DCAF6: variants seen among roughly 807,000 people sequenced by gnomAD.
The protein encoded by DCAF6 is DDB1 and CUL4 associated factor 6.
A neutral mutation model predicts 125.1 loss-of-function variants in DCAF6; 54 were observed. The ratio of observed to expected loss-of-function variants is 0.43; its 90% confidence interval spans 0.35 to 0.54. The LOEUF (loss-of-function observed/expected upper bound fraction) is 0.54. Among genes scored for constraint, DCAF6 ranks in the 20% least tolerant of loss-of-function variants. The probability of loss-of-function intolerance (pLI) is 0.01; values close to 1 mark genes in which losing one functional copy is unlikely to be tolerated. For missense variants in DCAF6, 934 were observed against 1,161.7 expected, an observed-to-expected ratio of 0.80 and a Z score of 2.85; for synonymous variants, 371 against 390.4, an observed-to-expected ratio of 0.95 and a Z score of 0.58.
chr1:167,992,425 C>G (rs751998241), intron 6 of DCAF6, among the ~76,000 whole-genome samples: 1 of 152,106 alleles, frequency 6.6e-6, no homozygotes, highest in Non-Finnish European at 1.5e-5. Flanking sequence ...CTTTTCGGAA[C>G]TGTGATAGCT....
the DCAF6 span, chr1:167,917,440 A>G: frequency 6.6e-6 from 1 of 152,254 alleles, no homozygotes; most frequent in Admixed American, 6.5e-5. Context: ...CTCTACAAAA[A>G]TACAAAAATT....
rs961535016 is a variant in DCAF6 at position 168,047,692 on chromosome 1, TTA to T, written c.2258+2475_2258+2476del. On this transcript the variant is annotated intron_variant, in intron 16 of 21. Coordinates refer to ENST00000367840, the MANE Select transcript of DCAF6 (RefSeq NM_001198956.2). ...ATTTAATATATGAAAGTAAATACAA[TTA>T]TATATATATGTGTGTGTGTGTATAT... is the stretch of plus-strand genomic sequence containing the variant. 1.3e-3 allele frequency among the ~76,000 whole-genome samples: 200 copies of T among 151,870 alleles called. 1 individual carries two copies. Among genetic ancestry groups the T allele is most frequent in the African/African-American group, 4.5e-3 (185 of 41,460 alleles).
At chr1:167,990,557 C>A (rs1258696397) in intron 5 of DCAF6, among the ~76,000 whole-genome samples, 1 of 151,932 alleles carries the variant, frequency 6.6e-6, no homozygotes, top group African/African-American at 2.4e-5. Flanking sequence ...TAAAGATGTT[C>A]ATTATTCATG....
the DCAF6 span, among the ~76,000 whole-genome samples, chr1:167,916,379 GTAT>G: frequency 0.012 from 1,776 of 152,192 alleles, 30 homozygotes; most frequent in African/African-American, 0.041. Context: ...GCTAATTTTT[GTAT>G]TATTAGTAGA....
intron 4 of DCAF6, among the ~76,000 whole-genome samples, chr1:167,984,545 A>G (rs1679665778): frequency 1.4e-5 from 2 of 146,604 alleles, no homozygotes; most frequent in African/African-American, 4.9e-5. Context: ...TGATCATTTT[A>G]CTTAATAAAG....
chr1:168,031,566 A>G (rs926851938), intron 12 of DCAF6, among the ~76,000 whole-genome samples: 1 of 152,238 alleles, frequency 6.6e-6, no homozygotes, highest in African/African-American at 2.4e-5. Flanking sequence ...GGAGGACAGT[A>G]ACTGGAAGGA....
the DCAF6 span, among the ~76,000 whole-genome samples, chr1:167,907,661 A>G: frequency 2.0e-4 from 30 of 152,362 alleles, no homozygotes; most frequent in African/African-American, 7.2e-4. Context: ...ATGGTTATTT[A>G]GATTAGCAAG....
chr1:167,954,909 CCT>C (rs1674538037), intron 2 of DCAF6, among the ~76,000 whole-genome samples: 2 of 152,036 alleles, frequency 1.3e-5, no homozygotes, highest in East Asian at 3.9e-4. Flanking sequence ...GCCCATGTGC[CCT>C]CTCATTCCTT....
intron 1 of DCAF6, among the ~76,000 whole-genome samples, chr1:167,947,334 C>T (rs1485537698): frequency 1.3e-5 from 2 of 150,496 alleles, no homozygotes; most frequent in Non-Finnish European, 3.0e-5. Context: ...ATTTCATTGA[C>T]CTTTTGTGGG....
intron 6 of DCAF6, 133 bp downstream of exon 6, chr1:167,991,472 T>C: frequency 2.3e-6 from 2 of 882,304 alleles, no homozygotes; most frequent in Non-Finnish European, 3.2e-6. Context: ...TGGATTATTA[T>C]AAAAAATAAC....
At chr1:167,990,222 G>A (rs1680640371) in intron 5 of DCAF6, among the ~76,000 whole-genome samples, 2 of 151,958 alleles carry the variant, frequency 1.3e-5, no homozygotes, top group African/African-American at 4.8e-5. Flanking sequence ...TAAAAAATTA[G>A]CCTGGTATGG....
At chr1:167,960,447 C>T (rs879885324) in intron 2 of DCAF6, among the ~76,000 whole-genome samples, 10 of 151,950 alleles carry the variant, frequency 6.6e-5, no homozygotes, top group Non-Finnish European at 2.9e-5. Context: ...TACAGGCACG[C>T]GCCACCATTC....
At chr1:167,978,214 A>G (rs1016803930) in intron 4 of DCAF6, among the ~76,000 whole-genome samples, 1 of 152,240 alleles carries the variant, frequency 6.6e-6, no homozygotes, top group Non-Finnish European at 1.5e-5. Flanking sequence ...ACAAATGCAC[A>G]CATTTGTTAG....
At chr1:168,010,904 C>T (rs1335993213) in intron 10 of DCAF6, among the ~76,000 whole-genome samples, 1 of 151,942 alleles carries the variant, frequency 6.6e-6, no homozygotes, top group East Asian at 1.9e-4. Context: ...TTAAATGAGG[C>T]ATTTTTCCAA....
the DCAF6 span, chr1:167,904,559 A>G: frequency 2.6e-6 from 1 of 379,808 alleles, no homozygotes; most frequent in Non-Finnish European, 4.7e-6. Context: ...TTTAACTGGG[A>G]ATAAAATTTT....
intron 17 of DCAF6, among the ~76,000 whole-genome samples, chr1:168,052,736 G>A (rs928043164): frequency 2.0e-5 from 3 of 152,142 alleles, no homozygotes; most frequent in Non-Finnish European, 4.4e-5. Flanking sequence ...TGAATGATAG[G>A]TACCATATTT....
intron 17 of DCAF6, among the ~76,000 whole-genome samples, chr1:168,053,548 A>T (rs1441055016): frequency 6.6e-6 from 1 of 152,212 alleles, no homozygotes; most frequent in Non-Finnish European, 1.5e-5. Context: ...CAAGGAAAAA[A>T]GATCAGACAC....
the DCAF6 span, chr1:167,880,663 G>T: frequency 2.2e-6 from 3 of 1,368,960 alleles, no homozygotes; most frequent in African/African-American, 2.9e-5. Flanking sequence ...CTTTAAACTG[G>T]ACTGGCCAGA....
chr1:167,878,908 G>A, the DCAF6 span, among the ~76,000 whole-genome samples: 10 of 152,322 alleles, frequency 6.6e-5, no homozygotes, highest in South Asian at 2.1e-4. Flanking sequence ...TATGGAGCAG[G>A]CTCTGTAAGT....
Sources: gnomAD v4.1 joint callset for allele counts (sites outside exome capture counted in the v4.1 genomes callset) on GRCh38, gnomAD v4.1.1 for gene constraint, MANE v1.5 for transcripts, NCBI Gene and HGNC (gene_info 2026-07-23, HGNC 2026-07-21) for gene names.